Variants in HIPK2 observed in about 807,000 individuals in gnomAD.
HIPK2 encodes homeodomain-interacting protein kinase 2.
A neutral mutation model predicts 113.7 loss-of-function variants in HIPK2; 27 were observed. That is an observed-to-expected ratio of 0.24 (90% CI 0.17 to 0.33). The LOEUF (loss-of-function observed/expected upper bound fraction) is 0.33, where lower values mean the gene tolerates loss of function less well. HIPK2 is among the 10% of genes least tolerant of loss of function. HIPK2 has a pLI of 1.00. For missense variants in HIPK2, 1,257 were observed against 1,588.0 expected (o/e 0.79, Z 3.54); for synonymous variants, 631 against 642.2 (o/e 0.98, Z 0.26).
At chr7:139,617,319 G>A (rs1214899762) in intron 7 of HIPK2, among the ~76,000 whole-genome samples, 2 of 152,154 alleles carry the variant, frequency 1.3e-5, no homozygotes, top group African/African-American at 2.4e-5. Context: ...TCCCACTTCA[G>A]CCTTCCAAAT....
At chr7:139,653,983 T>G (rs1801565408) in intron 2 of HIPK2, among the ~76,000 whole-genome samples, 1 of 152,152 alleles carries the variant, frequency 6.6e-6, no homozygotes, top group African/African-American at 2.4e-5. Flanking sequence ...TCTGCCTGCC[T>G]CGGCCTCCCA....
At chr7:139,703,534 C>T (rs1794773007) in intron 2 of HIPK2, among the ~76,000 whole-genome samples, 2 of 151,958 alleles carry the variant, frequency 1.3e-5, no homozygotes, top group Admixed American at 6.6e-5. Flanking sequence ...TTATGGCAAA[C>T]GTCCACATAT....
Position 139,596,729 on chromosome 7 carries a change from T to C in HIPK2, c.2705A>G (p.His902Arg), listed in dbSNP as rs751489905. Residue 902 changes from histidine (H) to arginine (R), a missense_variant, in exon 12 of 15, where the codon CAC (histidine) becomes CGC (arginine). Physicochemically the swap from His to Arg is conservative, Grantham distance 29. Transcript: ENST00000406875. The stretch of plus-strand genomic sequence containing the variant: ...GGCACTGCCTCACCTGGTGGGGGCG[T>C]GTTTCTGTTCCTCCTCCTCGTCCGT... Reference protein sequence around the residue: ...SDTDEEEEQKHAPTSTVSKQR... With the variant: ...SDTDEEEEQKRAPTSTVSKQR... The C allele has an allele frequency of 3.1e-6, 5 of 1,609,942 alleles. No individual in the cohort carries two copies. The African/African-American group carries it at 4.0e-5, about 13-fold the overall frequency.
intron 2 of HIPK2, among the ~76,000 whole-genome samples, chr7:139,690,627 A>G (rs1036019292): frequency 6.6e-6 from 1 of 152,188 alleles, no homozygotes; most frequent in Non-Finnish European, 1.5e-5. Context: ...CCTGGGCAAC[A>G]TAGTGAGACA....
intron 1 of HIPK2, among the ~76,000 whole-genome samples, chr7:139,734,431 A>G (rs1001012669): frequency 3.3e-5 from 5 of 152,224 alleles, no homozygotes; most frequent in South Asian, 4.1e-4. Flanking sequence ...GATGCCCTAC[A>G]GGAGTCTGGC....
chr7:139,678,469 G>A (rs1585369142), intron 2 of HIPK2, among the ~76,000 whole-genome samples: 3 of 152,148 alleles, frequency 2.0e-5, no homozygotes, highest in South Asian at 2.1e-4. Context: ...CAGGTCTGTC[G>A]GAGATCAGAT....
Position 139,572,528 on chromosome 7 carries a change from T to C in HIPK2, c.*399A>G, listed in dbSNP as rs1046833961. On this transcript the variant is annotated 3_prime_UTR_variant, in exon 15 of 15. Transcript: ENST00000406875. ...GTTCTTCAAAAACTGGGGCCCCCCGTTTCTGGAATCTTCCTGTTGCTCTCT... is the reference window on the plus strand; with the variant it reads ...GTTCTTCAAAAACTGGGGCCCCCCGCTTCTGGAATCTTCCTGTTGCTCTCT... 32 of 168,240 alleles carry C rather than the reference T, an allele frequency of 1.9e-4. No individual in the cohort carries two copies. Among genetic ancestry groups the C allele is most frequent in the Non-Finnish European group, 3.7e-4 (29 of 79,334 alleles). The allele number at this position is 168,240 out of a possible 1,614,324, so 10.4% of individuals were successfully genotyped here.
At chr7:139,766,320 T>A (rs1796552619) in intron 1 of HIPK2, among the ~76,000 whole-genome samples, 1 of 152,210 alleles carries the variant, frequency 6.6e-6, no homozygotes, top group Non-Finnish European at 1.5e-5. Context: ...CCATAACATG[T>A]TTTTCCTTAG....
At chr7:139,626,874 T>C in intron 5 of HIPK2, 89 bp from the exon 6 acceptor site, 1 of 1,415,462 alleles carries the variant, frequency 7.1e-7, no homozygotes, top group Non-Finnish European at 9.8e-7. Flanking sequence ...TGTAACTTCC[T>C]CCTGATCTCT....
chr7:139,737,101 T>C (rs1290932455), intron 1 of HIPK2, among the ~76,000 whole-genome samples: 1 of 152,146 alleles, frequency 6.6e-6, no homozygotes, highest in Non-Finnish European at 1.5e-5. Context: ...CCATTTCCAC[T>C]CTCTCTGCAT....
intron 2 of HIPK2, among the ~76,000 whole-genome samples, chr7:139,709,409 G>C (rs1794998884): frequency 6.6e-6 from 1 of 152,176 alleles, no homozygotes; most frequent in African/African-American, 2.4e-5. Flanking sequence ...TGCAATTTTT[G>C]AAATGACTTA....
chr7:139,637,499 T>C (rs1353363999), intron 2 of HIPK2, among the ~76,000 whole-genome samples: 1 of 152,222 alleles, frequency 6.6e-6, no homozygotes, highest in Non-Finnish European at 1.5e-5. Context: ...CTCTCCCTGC[T>C]GGCTGTCACA....
At chr7:139,667,008 T>C (rs1209030703) in intron 2 of HIPK2, among the ~76,000 whole-genome samples, 2 of 151,688 alleles carry the variant, frequency 1.3e-5, no homozygotes, top group Non-Finnish European at 2.9e-5. Context: ...GAGGTTGCAG[T>C]GAGCCGAGAT....
chr7:139,719,159 G>C (rs1260600625), intron 1 of HIPK2, among the ~76,000 whole-genome samples: 1 of 151,914 alleles, frequency 6.6e-6, no homozygotes, highest in Admixed American at 6.6e-5. Context: ...TATTTTTTGA[G>C]ACAGAGTCTT....
chr7:139,572,514 A>T lies in HIPK2; in HGVS notation c.*413T>A. On this transcript the variant is annotated 3_prime_UTR_variant, in exon 15 of 15. Coordinates refer to ENST00000406875, the MANE Select transcript of HIPK2 (RefSeq NM_022740.5). ...GAAAAGTTCATAAAGTTCTTCAAAA[A>T]CTGGGGCCCCCCGTTTCTGGAATCT... 1 of 164,776 alleles carries T rather than the reference A, an allele frequency of 6.1e-6. No homozygotes were observed. The highest frequency in any genetic ancestry group is 1.3e-5 in the Non-Finnish European group (1 of 76,876). The allele number at this position is 164,776 out of a possible 1,614,324, so 10.2% of individuals were successfully genotyped here. A position where few individuals can be genotyped will look rare whatever the true frequency, so the allele number is the denominator to read the frequency against.
intron 10 of HIPK2, among the ~76,000 whole-genome samples, chr7:139,601,554 A>T (rs1405447613): frequency 6.6e-6 from 1 of 152,232 alleles, no homozygotes; most frequent in African/African-American, 2.4e-5. Flanking sequence ...GAATAATTAG[A>T]TTAACTGAAG....
chr7:139,735,634 A>G (rs575555995), intron 1 of HIPK2, among the ~76,000 whole-genome samples: 1 of 152,314 alleles, frequency 6.6e-6, no homozygotes, highest in East Asian at 1.9e-4. Context: ...GAGAAGAGAT[A>G]ACTGACCACA....
chr7:139,734,711 T>G (rs555785438), intron 1 of HIPK2, among the ~76,000 whole-genome samples: 1 of 152,216 alleles, frequency 6.6e-6, no homozygotes, highest in East Asian at 1.9e-4. Context: ...AAAAATAGCA[T>G]GGCTCACACA....
At chr7:139,595,316 G>A (rs1053200850) in intron 12 of HIPK2, among the ~76,000 whole-genome samples, 1 of 152,176 alleles carries the variant, frequency 6.6e-6, no homozygotes, top group Non-Finnish European at 1.5e-5. Flanking sequence ...AGACTGCTGA[G>A]CCCACGTGAG....
Sources: allele counts gnomAD v4.1 joint callset (sites outside exome capture counted in the v4.1 genomes callset), GRCh38; gene constraint gnomAD v4.1.1; transcripts MANE v1.5; gene names NCBI Gene and HGNC (gene_info 2026-07-23, HGNC 2026-07-21).